Variants in SLIT2 observed in about 807,000 individuals in gnomAD.
SLIT2 encodes the protein slit guidance ligand 2.
Under a neutral mutation model 185.7 loss-of-function variants are expected in SLIT2, and 41 were observed. The ratio of observed to expected loss-of-function variants is 0.22; its 90% CI spans 0.17 to 0.29. The LOEUF (loss-of-function observed/expected upper bound fraction) is 0.29. SLIT2 is among the 10% of genes least tolerant of loss of function. The probability of loss-of-function intolerance (pLI) is 1.00; values close to 1 mark genes in which losing one functional copy is unlikely to be tolerated. For missense variants in SLIT2, 1,571 were observed against 1,909.0 expected (o/e 0.82, Z 3.30); for synonymous variants, 693 against 680.2 (o/e 1.02, Z -0.29).
At chr4:20,371,181 G>T (rs1723539265) in intron 4 of SLIT2, among the ~76,000 whole-genome samples, 1 of 151,832 alleles carries the variant, frequency 6.6e-6, no homozygotes. Context: ...CCTTATAAAG[G>T]TCCCTCTGCA....
At chr4:20,294,725 AAG>A (rs899418394) in intron 4 of SLIT2, among the ~76,000 whole-genome samples, 1 of 152,226 alleles carries the variant, frequency 6.6e-6, no homozygotes, top group Non-Finnish European at 1.5e-5. Flanking sequence ...GAAAAAGCTG[AAG>A]ATTGACTAGC....
intron 23 of SLIT2, 143 bp downstream of exon 23, chr4:20,548,702 C>G (rs530515084): frequency 3.2e-6 from 2 of 630,990 alleles, no homozygotes; most frequent in African/African-American, 3.7e-5. Flanking sequence ...AACCACGATA[C>G]GTGAACAATG....
At chr4:20,309,621 A>G (rs181263787) in intron 4 of SLIT2, among the ~76,000 whole-genome samples, 102 of 152,218 alleles carry the variant, frequency 6.7e-4, no homozygotes, top group African/African-American at 2.3e-3. Flanking sequence ...ACATCTTGAT[A>G]TACTTAATTT....
intron 26 of SLIT2, among the ~76,000 whole-genome samples, chr4:20,556,248 G>A (rs1164138149): frequency 2.0e-5 from 3 of 151,806 alleles, no homozygotes; most frequent in Non-Finnish European, 4.4e-5. Flanking sequence ...AAGTGAGAGA[G>A]AGATGATTGT....
intron 4 of SLIT2, among the ~76,000 whole-genome samples, chr4:20,411,730 ATAG>A (rs1727274028): frequency 6.6e-6 from 1 of 152,208 alleles, no homozygotes; most frequent in Non-Finnish European, 1.5e-5. Flanking sequence ...CATCTGGCAC[ATAG>A]TAGGTGCTCA....
intron 4 of SLIT2, among the ~76,000 whole-genome samples, chr4:20,300,986 C>A (rs1335300523): frequency 6.6e-6 from 1 of 151,876 alleles, no homozygotes; most frequent in Admixed American, 6.6e-5. Context: ...GTTACCTTAA[C>A]ATATAGTACA....
At chr4:20,273,850 A>G (rs1713884472) in intron 4 of SLIT2, among the ~76,000 whole-genome samples, 1 of 152,182 alleles carries the variant, frequency 6.6e-6, no homozygotes, top group Non-Finnish European at 1.5e-5. Flanking sequence ...GTGGACTACT[A>G]GAGATGTCAG....
intron 4 of SLIT2, among the ~76,000 whole-genome samples, chr4:20,429,511 G>A (rs1728810892): frequency 6.6e-6 from 1 of 152,012 alleles, no homozygotes. Flanking sequence ...TGGAGAACCT[G>A]GAAGTAATGA....
chr4:20,470,467 C>G (rs1004995262), intron 5 of SLIT2, among the ~76,000 whole-genome samples: 1 of 142,384 alleles, frequency 7.0e-6, no homozygotes, highest in Non-Finnish European at 1.5e-5. Context: ...AAGAGTAAAA[C>G]CATAGTGCAG....
chr4:20,540,007 C>T (rs1464137388), intron 19 of SLIT2, among the ~76,000 whole-genome samples: 1 of 152,084 alleles, frequency 6.6e-6, no homozygotes, highest in Non-Finnish European at 1.5e-5. Flanking sequence ...CAGCTGGGCA[C>T]AGTGGCTCAC....
chr4:20,582,585 C>A (rs1215970550), intron 29 of SLIT2, among the ~76,000 whole-genome samples: 1 of 152,180 alleles, frequency 6.6e-6, no homozygotes, highest in African/African-American at 2.4e-5. Context: ...GTGGCTGTAA[C>A]TTTTGCAGTT....
At chr4:20,521,650 C>G (rs1415028483) in intron 12 of SLIT2, among the ~76,000 whole-genome samples, 1 of 152,132 alleles carries the variant, frequency 6.6e-6, no homozygotes, top group Non-Finnish European at 1.5e-5. Context: ...TAATCAGCCC[C>G]TGTCACCCAC....
chr4:20,613,730 C>T (rs1218741471), intron 34 of SLIT2, among the ~76,000 whole-genome samples: 2 of 152,106 alleles, frequency 1.3e-5, no homozygotes, highest in Admixed American at 1.3e-4. Flanking sequence ...CAAAAAAAAC[C>T]AGGGATGCTG....
At chr4:20,378,627 T>G (rs541453573) in intron 4 of SLIT2, among the ~76,000 whole-genome samples, 29 of 152,278 alleles carry the variant, frequency 1.9e-4, no homozygotes, top group African/African-American at 6.7e-4. Context: ...CATGAACCAT[T>G]TGATCACCTG....
intron 4 of SLIT2, among the ~76,000 whole-genome samples, chr4:20,369,148 C>G (rs1295146047): frequency 2.6e-5 from 4 of 152,014 alleles, no homozygotes; most frequent in Non-Finnish European, 5.9e-5. Context: ...CCAAGATGGT[C>G]CAGGGAACAG....
intron 4 of SLIT2, among the ~76,000 whole-genome samples, chr4:20,457,505 TA>T (rs1332161972): frequency 3.3e-5 from 5 of 151,952 alleles, no homozygotes; most frequent in Non-Finnish European, 4.4e-5. Context: ...CTAAAGATAT[TA>T]TATATATAAA....
intron 29 of SLIT2, among the ~76,000 whole-genome samples, chr4:20,576,978 GTT>G (rs35122445): frequency 6.8e-6 from 1 of 146,340 alleles, no homozygotes. Flanking sequence ...GGAGAGGTAA[GTT>G]TTTTTTTTTT....
At chr4:20,612,271 G>C (rs1729278578) in intron 34 of SLIT2, among the ~76,000 whole-genome samples, 1 of 146,964 alleles carries the variant, frequency 6.8e-6, no homozygotes, top group Non-Finnish European at 1.5e-5. Flanking sequence ...AAGAATACAG[G>C]ATGAGACTGT....
At chr4:20,454,528 T>A (rs1712834686) in intron 4 of SLIT2, among the ~76,000 whole-genome samples, 4 of 152,180 alleles carry the variant, frequency 2.6e-5, no homozygotes. Flanking sequence ...TCATTTATCA[T>A]TACTCAGTAG....
Sources: gnomAD v4.1 joint callset for allele counts (sites outside exome capture counted in the v4.1 genomes callset) on GRCh38, gnomAD v4.1.1 for gene constraint, MANE v1.5 for transcripts, NCBI Gene and HGNC (gene_info 2026-07-23, HGNC 2026-07-21) for gene names.